ADCYAP1R1: variants seen among roughly 807,000 people sequenced by gnomAD.
ADCYAP1R1 encodes pituitary adenylate cyclase-activating polypeptide type I receptor.
A neutral mutation model predicts 67.6 loss-of-function variants in ADCYAP1R1; 44 were observed. That is an observed-to-expected ratio of 0.65 (90% CI 0.51 to 0.84). The LOEUF (loss-of-function observed/expected upper bound fraction) is 0.84. ADCYAP1R1 is among the 40% of genes least tolerant of loss of function. The pLI, the probability that ADCYAP1R1 is intolerant of heterozygous loss-of-function variation, is 0.00. For missense variants in ADCYAP1R1, 477 were observed against 587.9 expected (o/e 0.81, Z 1.95); for synonymous variants, 222 against 219.6 (o/e 1.01, Z -0.10).
At chr7:31,079,868 C>T (rs1795441461) in intron 4 of ADCYAP1R1, among the ~76,000 whole-genome samples, 1 of 152,158 alleles carries the variant, frequency 6.6e-6, no homozygotes, top group Admixed American at 6.5e-5. Flanking sequence ...ATACAGGCAG[C>T]GGAAGTGCTG....
Position 31,060,246 on chromosome 7 carries a change from A to G in ADCYAP1R1, c.-71-2948A>G, listed in dbSNP as rs79819724. Among the ~76,000 whole-genome samples the G allele has an allele frequency of 4.2e-3, 638 of 152,270 alleles. 2 individuals carry two copies. The highest frequency in any genetic ancestry group is 7.6e-3 in the Non-Finnish European group (519 of 68,012). On this transcript the variant is annotated intron_variant, in intron 1 of 15. Transcript: ENST00000304166. ...TCCCTGCATGTGTGCGTGCATGTAC[A>G]CACATGTGCATGTGTGCCTATACCT... is the stretch of plus-strand genomic sequence containing the variant.
At chr7:31,068,951 T>C (rs995587667) in intron 3 of ADCYAP1R1, among the ~76,000 whole-genome samples, 5 of 152,152 alleles carry the variant, frequency 3.3e-5, no homozygotes, top group Middle Eastern at 3.2e-3. Flanking sequence ...TTAAACACAC[T>C]TGTGAAAGAT....
chr7:31,063,063 C>T (rs1401198147), intron 1 of ADCYAP1R1, 131 bp from the exon 2 acceptor site: 1 of 607,648 alleles, frequency 1.6e-6, no homozygotes, highest in Non-Finnish European at 2.9e-6. Context: ...CGGATGCAGG[C>T]AGGGAGGTGG....
chr7:31,071,165 A>T (rs921723129), intron 3 of ADCYAP1R1, among the ~76,000 whole-genome samples: 4 of 152,198 alleles, frequency 2.6e-5, no homozygotes, highest in Admixed American at 6.5e-5. Flanking sequence ...ACACTGTGGA[A>T]CTGGACAAAA....
chr7:31,096,849 C>T (rs894874122), intron 13 of ADCYAP1R1, among the ~76,000 whole-genome samples: 2 of 151,920 alleles, frequency 1.3e-5, no homozygotes, highest in African/African-American at 4.8e-5. Flanking sequence ...TTCTGTGGAC[C>T]GCCAAGTGGC....
rs1794582970 is a variant in ADCYAP1R1 at position 31,063,230 on chromosome 7, C to T, written c.-35C>T. The T allele has an allele frequency of 3.1e-6, 5 of 1,613,950 alleles. No homozygotes were observed. The highest frequency in any genetic ancestry group is 4.2e-6 in the Non-Finnish European group (5 of 1,179,816). ...ATTGGGGCTGACCTGCCGCTGCTGT[C>T]AGTGGGAGGCCAGTGGTGCTGGCCA... On this transcript the variant is annotated 5_prime_UTR_variant, in exon 2 of 16. Transcript: ENST00000304166.
intron 2 of ADCYAP1R1, among the ~76,000 whole-genome samples, chr7:31,064,426 C>T (rs540226294): frequency 1.7e-4 from 26 of 152,330 alleles, no homozygotes; most frequent in African/African-American, 5.8e-4. Context: ...CTTAACATCT[C>T]TGTACTTAAG....
chr7:31,086,670 C>G lies in ADCYAP1R1; in HGVS notation c.823+133C>G. 1.8e-6 allele frequency: 2 copies of G among 1,137,636 alleles called. No homozygotes were observed. The highest frequency in any genetic ancestry group is 2.5e-6 in the Non-Finnish European group (2 of 799,628). 70.5% of individuals were successfully genotyped at this position (1,137,636 alleles called of 1,614,324 possible). ...CCCTGCCCGAGTCTAATGGCCTAGG[C>G]TCTGTCTTGGACTCTTTCTCAATCT... On this transcript the variant is annotated intron_variant, in intron 10 of 15. Transcript: ENST00000304166. This position sits in a 1 kb window ranked among gnomAD's most constrained non-coding sequence, Gnocchi z 5.0.
chr7:31,089,423 GTTTT>G (rs34984750), intron 12 of ADCYAP1R1, among the ~76,000 whole-genome samples: 2 of 127,532 alleles, frequency 1.6e-5, no homozygotes, highest in Non-Finnish European at 3.3e-5. Context: ...GCTTGTTTCA[GTTTT>G]TTTTTTTTTT....
chr7:31,060,519 T>G (rs971952889), intron 1 of ADCYAP1R1, among the ~76,000 whole-genome samples: 6 of 151,886 alleles, frequency 4.0e-5, no homozygotes, highest in African/African-American at 1.5e-4. Flanking sequence ...TGTGTGTGTG[T>G]GGTTGCCTGT....
In ADCYAP1R1 at chr7:31,092,634, TGC is replaced by T. The variant is rs1584528697; in HGVS notation, c.955-9_955-8del. On this transcript the variant is annotated splice_region_variant and splice_polypyrimidine_tract_variant and intron_variant, in intron 12 of 15. Coordinates refer to ENST00000304166, the MANE Select transcript of ADCYAP1R1 (RefSeq NM_001118.5). ...CATGTCCATCTGCTTTTTTTTTTTT[TGC>T]TCCTTAGGTTAACTTTGTGCTTTTT... 1.3e-5 allele frequency: 20 copies of T among 1,598,652 alleles called. No individual in the cohort carries two copies. The Admixed American group carries it at 1.4e-4, about 11-fold the overall frequency.
At chr7:31,098,322 T>C (rs1422226669) in intron 13 of ADCYAP1R1, among the ~76,000 whole-genome samples, 1 of 152,238 alleles carries the variant, frequency 6.6e-6, no homozygotes, top group Admixed American at 6.5e-5. Flanking sequence ...TTTGAGTCTG[T>C]CTCTTTGTAT....
At position 31,064,879 on chromosome 7, in the gene ADCYAP1R1, T is replaced by C. The variant is rs1794669586; in HGVS notation, c.100T>C (p.Cys34Arg). 6.2e-7 allele frequency: 1 copy of C among 1,612,940 alleles called. No individual in the cohort carries two copies. The change falls in exon 3 of 16, where the codon TGC (cysteine) becomes CGC (arginine). Residue 34 changes from cysteine (C) to arginine (R), a missense_variant. Transcript: ENST00000304166. ...CATCTTCAAGAAGGAGCAAGCCATG[T>C]GCCTGGAGAAGATCCAGAGGGCCAA... ...DCIFKKEQAM[C>R]LEKIQRANEL...
At chr7:31,085,704 G>A (rs1037613093) in intron 9 of ADCYAP1R1, among the ~76,000 whole-genome samples, 3 of 152,256 alleles carry the variant, frequency 2.0e-5, no homozygotes, top group African/African-American at 7.2e-5. Flanking sequence ...CAAGGCAGAA[G>A]AGGAAGGTCA....
At chr7:31,079,856 G>A (rs557944177) in intron 4 of ADCYAP1R1, among the ~76,000 whole-genome samples, 1 of 152,314 alleles carries the variant, frequency 6.6e-6, no homozygotes, top group African/African-American at 2.4e-5. Flanking sequence ...TTTTGAAAGG[G>A]GATACAGGCA....
intron 2 of ADCYAP1R1, among the ~76,000 whole-genome samples, chr7:31,064,103 T>C (rs1297943200): frequency 2.6e-5 from 4 of 152,236 alleles, no homozygotes; most frequent in Non-Finnish European, 4.4e-5. Flanking sequence ...CCATATCTGC[T>C]ATTAACCAGT....
chr7:31,091,742 T>C (rs1795970313), intron 12 of ADCYAP1R1, among the ~76,000 whole-genome samples: 1 of 152,178 alleles, frequency 6.6e-6, no homozygotes, highest in Admixed American at 6.5e-5. Context: ...GAGAACACGA[T>C]TGACAGAATC....
chr7:31,056,307 C>T (rs778084707), intron 1 of ADCYAP1R1, among the ~76,000 whole-genome samples: 32 of 152,084 alleles, frequency 2.1e-4, no homozygotes, highest in Non-Finnish European at 2.6e-4. Flanking sequence ...CCCAGCTCTC[C>T]GCAGACTCCA....
chr7:31,063,663 A>G (rs995716642), intron 2 of ADCYAP1R1, among the ~76,000 whole-genome samples: 1 of 152,174 alleles, frequency 6.6e-6, no homozygotes, highest in African/African-American at 2.4e-5. Context: ...CCCTGCCAGG[A>G]TAGAACTCAG....
Sources: gnomAD v4.1 joint callset for allele counts (sites outside exome capture counted in the v4.1 genomes callset) on GRCh38, gnomAD v4.1.1 for gene constraint, Gnocchi (gnomAD v3.1) non-coding constraint, MANE v1.5 for transcripts, NCBI Gene and HGNC (gene_info 2026-07-23, HGNC 2026-07-21) for gene names.